The following ADGRL4 variants were observed in gnomAD, a reference collection of about 807,000 sequenced individuals.
ADGRL4 encodes the protein adhesion G protein-coupled receptor L4, also known as EGF, latrophilin and seven transmembrane domain containing 1.
In ADGRL4, 90 loss-of-function variants were observed where a neutral mutation model predicts 74.8. The ratio of observed to expected loss-of-function variants is 1.20; its 90% CI spans 1.02 to 1.43. The LOEUF (loss-of-function observed/expected upper bound fraction) is 1.43, where lower values mean the gene tolerates loss of function less well. Ranked by LOEUF, ADGRL4 falls within the 40% of genes most tolerant of loss-of-function variation. ADGRL4 has a pLI of 0.00. For missense variants in ADGRL4, 881 were observed against 814.3 expected, an observed-to-expected ratio of 1.08 and a Z score of -1.00; for synonymous variants, 311 against 279.2, an observed-to-expected ratio of 1.11 and a Z score of -1.14.
chr1:78,890,963 A>G lies in ADGRL4; in HGVS notation c.*191T>C, dbSNP rs1648257596. On this transcript the variant is annotated 3_prime_UTR_variant, in exon 15 of 15. Coordinates refer to ENST00000370742, the MANE Select transcript of ADGRL4 (RefSeq NM_022159.4). ...ACTATTTCACATAGAAAAACATAGTATATCTATATGATACATAATTTTACC... is the reference window on the plus strand; with the variant it reads ...ACTATTTCACATAGAAAAACATAGTGTATCTATATGATACATAATTTTACC... 1 of 600,886 alleles carries G rather than the reference A, an allele frequency of 1.7e-6. No homozygotes were observed. Among genetic ancestry groups the G allele is most frequent in the Non-Finnish European group, 3.0e-6 (1 of 334,052 alleles). The allele number at this position is 600,886 out of a possible 1,614,324, so 37.2% of individuals were successfully genotyped here.
Position 78,895,736 on chromosome 1 carries a change from A to G in ADGRL4, c.1750-2547T>C, listed in dbSNP as rs372218005. On this transcript the variant is annotated intron_variant, in intron 12 of 14. Coordinates refer to ENST00000370742, the MANE Select transcript of ADGRL4 (RefSeq NM_022159.4). The stretch of plus-strand genomic sequence containing the variant: ...TATAGTAAGCAAAGCGACGAGTGGC[A>G]TGACATGAGTTGGGTGAGGAGGACA... 7.2e-5 allele frequency among the ~76,000 whole-genome samples: 11 copies of G among 152,200 alleles called. No individual in the cohort carries two copies. The East Asian group carries it at 1.4e-3, about 19-fold the overall frequency.
At chr1:78,915,120 C>T (rs1648844570) in intron 12 of ADGRL4, among the ~76,000 whole-genome samples, 2 of 151,942 alleles carry the variant, frequency 1.3e-5, no homozygotes, top group East Asian at 1.9e-4. Context: ...CTTATCTTTG[C>T]GTATAGAATA....
At chr1:78,994,778 A>G (rs1650680455) in intron 2 of ADGRL4, among the ~76,000 whole-genome samples, 2 of 152,310 alleles carry the variant, frequency 1.3e-5, no homozygotes, top group South Asian at 2.1e-4. Context: ...CTGAGCACAC[A>G]TATATTTGAT....
At chr1:78,909,595 TG>T (rs975007907) in intron 12 of ADGRL4, among the ~76,000 whole-genome samples, 1 of 151,956 alleles carries the variant, frequency 6.6e-6, no homozygotes, top group Non-Finnish European at 1.5e-5. Context: ...CAATGCTTTT[TG>T]GTTTATATAT....
At chr1:78,965,896 T>C (rs1434967929) in intron 2 of ADGRL4, among the ~76,000 whole-genome samples, 1 of 151,704 alleles carries the variant, frequency 6.6e-6, no homozygotes, top group Admixed American at 6.6e-5. Context: ...TTAAGCAAGG[T>C]TTATACTATC....
chr1:78,917,205 G>A (rs552080570), intron 12 of ADGRL4, among the ~76,000 whole-genome samples: 11 of 151,828 alleles, frequency 7.2e-5, no homozygotes, highest in East Asian at 5.9e-4. Context: ...ATTAAATAAT[G>A]TAAACATCTA....
At chr1:78,999,967 T>TC (rs397860861) in intron 2 of ADGRL4, among the ~76,000 whole-genome samples, 9 of 151,944 alleles carry the variant, frequency 5.9e-5, no homozygotes, top group African/African-American at 2.2e-4. Context: ...GGCATTTTTT[T>TC]GTGCATAAGT....
chr1:78,921,594 A>T lies in ADGRL4; in HGVS notation c.1257+19T>A. The T allele has an allele frequency of 7.3e-7, 1 of 1,372,162 alleles. No individual in the cohort carries two copies. The highest frequency in any genetic ancestry group is 2.8e-5 in the Admixed American group (1 of 35,816). The allele number at this position is 1,372,162 out of a possible 1,614,324, so 85.0% of individuals were successfully genotyped here. A position where few individuals can be genotyped will look rare whatever the true frequency, so the allele number is the denominator to read the frequency against. ...AGAAAAAGCAACATTTATAAATATGAAGGGGAAAATTATCTTACAATGGAA... is the reference window on the plus strand; with the variant it reads ...AGAAAAAGCAACATTTATAAATATGTAGGGGAAAATTATCTTACAATGGAA... On this transcript the variant is annotated intron_variant, in intron 9 of 14. Coordinates refer to ENST00000370742, the MANE Select transcript of ADGRL4 (RefSeq NM_022159.4).
At chr1:79,002,709 A>G (rs1650869639) in intron 2 of ADGRL4, among the ~76,000 whole-genome samples, 1 of 152,102 alleles carries the variant, frequency 6.6e-6, no homozygotes, top group Admixed American at 6.6e-5. Flanking sequence ...CTTAATCAAT[A>G]TGCTTGACTA....
Position 78,938,138 on chromosome 1 carries a change from T to C in ADGRL4, c.538A>G (p.Ile180Val), listed in dbSNP as rs771766029. ...SSLLGYKNNT[I>V]SAKDTLSNST... The stretch of plus-strand genomic sequence containing the variant: ...TTAGAAAGGGTGTCCTTGGCTGAGA[T>C]AGTGTTGTTCTTGTAACCTAGTAAT... Residue 180 changes from isoleucine to valine, a missense_variant, in exon 5 of 15, where the codon ATC (isoleucine) becomes GTC (valine). Physicochemically the swap from Ile to Val is conservative, Grantham distance 29 (BLOSUM62 3). Transcript: ENST00000370742. The C allele has an allele frequency of 5.6e-6, 9 of 1,613,260 alleles. No homozygotes were observed. Among genetic ancestry groups the C allele is most frequent in the Non-Finnish European group, 2.5e-6 (3 of 1,179,700 alleles).
At chr1:78,940,063 A>G (rs547572749) in intron 3 of ADGRL4, among the ~76,000 whole-genome samples, 1 of 151,524 alleles carries the variant, frequency 6.6e-6, no homozygotes, top group East Asian at 1.9e-4. Context: ...TTAATCAACA[A>G]AGTCATTACA....
intron 2 of ADGRL4, among the ~76,000 whole-genome samples, chr1:79,003,166 C>G (rs1650878089): frequency 6.6e-6 from 1 of 151,910 alleles, no homozygotes; most frequent in Non-Finnish European, 1.5e-5. Flanking sequence ...ACGAAAATGT[C>G]AACAAGAATC....
At position 79,004,612 on chromosome 1, in the gene ADGRL4, A is replaced by G. The variant is rs747307415; in HGVS notation, c.172+458T>C. Among the ~76,000 whole-genome samples the G allele has an allele frequency of 2.0e-5, 3 of 152,138 alleles. No homozygotes were observed. In the South Asian group the frequency reaches 6.2e-4, roughly 31 times the overall value. On this transcript the variant is annotated intron_variant, in intron 2 of 14. Transcript: ENST00000370742. Reference sequence around the variant, plus strand: ...TCCTATGCCCAGGGTATGCATGAGAAAACCATGAATCTCTTAATATCATCT... The same window carrying G: ...TCCTATGCCCAGGGTATGCATGAGAGAACCATGAATCTCTTAATATCATCT...
At chr1:78,954,492 C>T (rs576723958) in intron 2 of ADGRL4, among the ~76,000 whole-genome samples, 93 of 152,152 alleles carry the variant, frequency 6.1e-4, no homozygotes, top group African/African-American at 2.1e-3. Context: ...TCAAGTATAT[C>T]AACTGTTACA....
chr1:78,934,514 C>T (rs1003708428), intron 7 of ADGRL4, among the ~76,000 whole-genome samples: 8 of 152,108 alleles, frequency 5.3e-5, no homozygotes, highest in Admixed American at 6.6e-5. Flanking sequence ...ATGACAAAAA[C>T]ACCAAAAACA....
rs755345722 is a variant in ADGRL4 at position 78,938,027 on chromosome 1, A to C, written c.577-37T>G. ...AAGTATGTCTTTTAGAAATGTTGGA[A>C]TCCTACACTATTCACAAATGAAAGG... On this transcript the variant is annotated intron_variant, in intron 5 of 14. Transcript: ENST00000370742. 6.9e-6 allele frequency: 11 copies of C among 1,605,528 alleles called. 1 individual carries two copies. The highest frequency in any genetic ancestry group is 1.7e-6 in the Non-Finnish European group (2 of 1,176,434).
At chr1:78,968,759 T>G (rs1295381311) in intron 2 of ADGRL4, among the ~76,000 whole-genome samples, 1 of 152,174 alleles carries the variant, frequency 6.6e-6, no homozygotes, top group African/African-American at 2.4e-5. Flanking sequence ...GCAGGATGGA[T>G]CCTGCATCCA....
intron 2 of ADGRL4, among the ~76,000 whole-genome samples, chr1:78,983,619 C>A (rs1650438985): frequency 6.6e-6 from 1 of 151,748 alleles, no homozygotes; most frequent in Non-Finnish European, 1.5e-5. Context: ...GAGGAACATT[C>A]AATTGAAATT....
At chr1:78,940,506 G>A (rs1649453777) in intron 3 of ADGRL4, among the ~76,000 whole-genome samples, 1 of 152,068 alleles carries the variant, frequency 6.6e-6, no homozygotes, top group South Asian at 2.1e-4. Context: ...TTACTACAGT[G>A]AAATATGCTT....
Sources: allele counts gnomAD v4.1 joint callset (sites outside exome capture counted in the v4.1 genomes callset), GRCh38; gene constraint gnomAD v4.1.1; transcripts MANE v1.5; gene names NCBI Gene and HGNC (gene_info 2026-07-23, HGNC 2026-07-21).